The following TTN variants were observed in gnomAD, a reference collection of about 807,000 sequenced individuals.
The protein encoded by TTN is titin.
TTN carries 1,525 observed loss-of-function variants against 3,223.0 expected under a neutral mutation model. The ratio of observed to expected loss-of-function variants is 0.47; its 90% confidence interval spans 0.45 to 0.49. The LOEUF is 0.49. Ranked by LOEUF, TTN falls within the 20% of genes least tolerant of loss-of-function variation. TTN has a pLI of 0.00. For synonymous variants in TTN, 14,094 were observed against 15,161.0 expected (o/e 0.93, Z 5.17); for missense variants, 40,786 against 43,424.0 (o/e 0.94, Z 5.40).
Position 178,775,349 on chromosome 2 carries a change from A to C in TTN, c.6508+7T>G, listed in dbSNP as rs775527748. ...CAGGTCCATCAAAGGAAAGACATGCAAATTACCTTGGACAAGTAAGAATGC... is the reference window on the plus strand; with the variant it reads ...CAGGTCCATCAAAGGAAAGACATGCCAATTACCTTGGACAAGTAAGAATGC... On this transcript the variant is annotated splice_region_variant and intron_variant, in intron 28 of 362. Coordinates refer to ENST00000589042, the MANE Select transcript of TTN (RefSeq NM_001267550.2). 6.2e-7 allele frequency: 1 copy of C among 1,613,892 alleles called. No individual in the cohort carries two copies. The highest frequency in any genetic ancestry group is 2.2e-5 in the East Asian group (1 of 44,850).
rs72677221 is a variant in TTN, at chr2:178,621,869, G to T, written c.45053C>A (p.Ala15018Glu). The change falls in exon 244 of 363, where the codon GCG becomes GAG. Residue 15018 changes from alanine (A) to glutamate (E), a missense_variant. Transcript: ENST00000589042. ...EAEYSCEVRT[A>E]RTSGMLTVLE... ...AACTGTCAGCATGCCAGAAGTTCTC[G>T]CTGTCCTTACTTCACAGGAATATTC... 3.2e-5 allele frequency: 52 copies of T among 1,611,950 alleles called. No individual in the cohort carries two copies. The Admixed American group carries it at 5.4e-4, about 17-fold the overall frequency.
At chr2:178,795,906 T>C (rs1260987583) in intron 6 of TTN, among the ~76,000 whole-genome samples, 3 of 152,232 alleles carry the variant, frequency 2.0e-5, no homozygotes, top group Admixed American at 6.5e-5. Context: ...CTACTTTTAA[T>C]TTCCTCCATA....
At chr2:178,745,094 A>C in intron 47 of TTN, 3 of 988,046 alleles carry the variant, frequency 3.0e-6, no homozygotes, top group Non-Finnish European at 3.6e-6. Context: ...ATTCTAAGTC[A>C]AAGTAAATAA....
rs1698818186 is a variant in TTN at position 178,550,255 on chromosome 2, A to C, written c.91583T>G (p.Phe30528Cys). ...RDENVPPIVE[F>C]GPEYFDGLII... ...GAGACCATCAAAGTATTCAGGGCCA[A>C]ACTCTACTATTGGTGGAACTATAAA... Residue 30528 changes from phenylalanine to cysteine, a missense_variant, in exon 337 of 363, where the codon TTT becomes TGT. Coordinates refer to ENST00000589042, the MANE Select transcript of TTN (RefSeq NM_001267550.2). 1 of 1,611,692 alleles carries C rather than the reference A, an allele frequency of 6.2e-7. No homozygotes were observed. The highest frequency in any genetic ancestry group is 2.2e-5 in the East Asian group (1 of 44,846).
chr2:178,682,897 G>A lies in TTN; in HGVS notation c.32894C>T (p.Thr10965Ile), dbSNP rs766181477. ...AGCCCTTTCTTTCTCTTCCATTATA[G>A]TTACTTCTGAAACAATATTAACAAC... ...KREPQPIKEV[T>I]IMEEKERAYT... Residue 10965 changes from threonine to isoleucine, a missense_variant, in exon 135 of 363, where the codon ACT becomes ATT. Thr to Ile is a moderately conservative substitution (Grantham distance 89). Transcript: ENST00000589042. 1.3e-6 allele frequency: 2 copies of A among 1,599,404 alleles called. No individual in the cohort carries two copies. The highest frequency in any genetic ancestry group is 1.7e-6 in the Non-Finnish European group (2 of 1,173,990).
At chr2:178,633,104 A>G (rs2060002041) in intron 233 of TTN, 60 bp from the exon 234 acceptor site, 2 of 1,600,158 alleles carry the variant, frequency 1.2e-6, no homozygotes. Context: ...TATTCCTACA[A>G]ATCATCAAGA....
chr2:178,575,401 G>A lies in TTN; in HGVS notation c.70731C>T (p.Asp23577=), dbSNP rs751500251. ...TCACGGTTGTGATGTGGGTCCACTGGTCAGAGCCTTTTCTTTGGGCTTCAA... is the reference window on the plus strand; with the variant it reads ...TCACGGTTGTGATGTGGGTCCACTGATCAGAGCCTTTTCTTTGGGCTTCAA... ...YVIEAQRKGS[D]QWTHITTVKG... is the part of the protein sequence containing the mutation. The change falls in exon 326 of 363, where the codon GAC becomes GAT. Residue 23577 remains aspartate, a synonymous_variant. Coordinates refer to ENST00000589042, the MANE Select transcript of TTN (RefSeq NM_001267550.2). This position sits in a 1 kb window ranked among gnomAD's most constrained non-coding sequence, Gnocchi z 4.0. 2 of 1,613,584 alleles carry A rather than the reference G, an allele frequency of 1.2e-6. No homozygotes were observed. Among genetic ancestry groups the A allele is most frequent in the South Asian group, 2.2e-5 (2 of 91,072 alleles).
chr2:178,608,418 C>T lies in TTN; in HGVS notation c.52465G>A (p.Val17489Met), dbSNP rs1474043001. 1.2e-6 allele frequency: 2 copies of T among 1,609,662 alleles called. No homozygotes were observed. The highest frequency in any genetic ancestry group is 8.5e-7 in the Non-Finnish European group (1 of 1,177,736). Reference protein sequence around the residue: ...VEDVTSNSMLVKWNEPKDNGS... With the variant: ...VEDVTSNSMLMKWNEPKDNGS... ...TTATCTTTTGGTTCATTCCATTTCA[C>T]TAGCATACTGTTGCTGGTAACATCT... The change falls in exon 275 of 363, where the codon GTG becomes ATG. Residue 17489 changes from valine to methionine, a missense_variant. By Grantham distance (21) the Val-to-Met change is conservative. Transcript: ENST00000589042.
Position 178,553,502 on chromosome 2 carries a change from C to CA in TTN, c.89502dup (p.Glu29835Ter), listed in dbSNP as rs1700177745. On this transcript the variant is annotated frameshift_variant and splice_region_variant, in exon 334 of 363. Coordinates refer to ENST00000589042, the MANE Select transcript of TTN (RefSeq NM_001267550.2). LOFTEE classifies it high-confidence loss of function. ...CATAATCAAACCAGTAGGTACATAC[C>CA]AAGTATATCTTTAGCTTGTACAGGT... 1 of 1,605,906 alleles carries CA rather than the reference C, an allele frequency of 6.2e-7. No individual in the cohort carries two copies. The highest frequency in any genetic ancestry group is 1.1e-5 in the South Asian group (1 of 89,676).
Position 178,605,082 on chromosome 2 carries a change from A to G in TTN, c.54095T>C (p.Ile18032Thr). 1 of 1,612,760 alleles carries G rather than the reference A, an allele frequency of 6.2e-7. No homozygotes were observed. Residue 18032 changes from isoleucine to threonine, a missense_variant, in exon 280 of 363, where the codon ATT (isoleucine) becomes ACT (threonine). Transcript: ENST00000589042. ...SRSEAKTELS[I>T]PKAVREDKGT... is the part of the protein sequence containing the mutation. ...TTTGTCCTCCCGGACCGCTTTGGGA[A>G]TGCTAAGCTCAGTTTTTGCCTCACT...
intron 288 of TTN, 33 bp from the exon 289 acceptor site, chr2:178,599,883 C>CTT: frequency 6.6e-7 from 1 of 1,518,540 alleles, no homozygotes; most frequent in Non-Finnish European, 8.8e-7. Flanking sequence ...TCATTAGGAG[C>CTT]AAAAAGCATT....
rs1334813711 is a variant in TTN at position 178,573,740 on chromosome 2, G to T, written c.72392C>A (p.Ala24131Asp). ...CTTTTCTGATGTCACTTCAGTTACA[G>T]CCAAAGGTCCTTCAGGTGGGCCTGG... ...DRPGPPEGPL[A>D]VTEVTSEKCV... The change falls in exon 326 of 363, where the codon GCT becomes GAT. Residue 24131 changes from alanine (A) to aspartate (D), a missense_variant. Physicochemically the swap from Ala to Asp is moderately radical, Grantham distance 126. Coordinates refer to ENST00000589042, the MANE Select transcript of TTN (RefSeq NM_001267550.2). 1 of 1,573,060 alleles carries T rather than the reference G, an allele frequency of 6.4e-7. No individual in the cohort carries two copies. The highest frequency in any genetic ancestry group is 1.4e-5 in the African/African-American group (1 of 73,408).
Position 178,592,216 on chromosome 2 carries a change from A to T in TTN, c.59688T>A (p.Leu19896=). Residue 19896 remains leucine, a synonymous_variant, in exon 302 of 363, where the codon CTT becomes CTA. Coordinates refer to ENST00000589042, the MANE Select transcript of TTN (RefSeq NM_001267550.2). ...CATCATCCAGTGGTTCTTTCCAAGT[A>T]AGGTAACATGAATCTTTCCTAATTT... ...VSEIRKDSCY[L]TWKEPLDDGG... is the part of the protein sequence containing the mutation. The T allele has an allele frequency of 3.7e-6, 6 of 1,611,928 alleles. No homozygotes were observed. Among genetic ancestry groups the T allele is most frequent in the Non-Finnish European group, 5.1e-6 (6 of 1,178,942 alleles).
intron 47 of TTN, chr2:178,745,647 T>A (rs776490861): frequency 6.2e-7 from 1 of 1,612,762 alleles, no homozygotes; most frequent in Admixed American, 1.7e-5. Context: ...GCTACACACC[T>A]ATACTCTCCT....
Position 178,618,798 on chromosome 2 carries a change from A to G in TTN, c.46752T>C (p.Pro15584=). The change falls in exon 251 of 363, where the codon CCT becomes CCC. Residue 15584 remains proline, a synonymous_variant. Transcript: ENST00000589042. The part of the protein sequence containing the change: ...DQDLVVDVGK[P]LTMVVPYDAY... ...CATCATATGGCACCACCATTGTCAG[A>G]GGCTTGCCAACATCAACCACAAGGT... The G allele has an allele frequency of 6.2e-7, 1 of 1,611,196 alleles. No individual in the cohort carries two copies. Among genetic ancestry groups the G allele is most frequent in the Non-Finnish European group, 8.5e-7 (1 of 1,178,688 alleles).
At chr2:178,760,308 G>A (rs370439195) in intron 43 of TTN, among the ~76,000 whole-genome samples, 5 of 152,300 alleles carry the variant, frequency 3.3e-5, no homozygotes, top group South Asian at 4.1e-4. Context: ...GAGGCGGGCA[G>A]ATCACGAGGT....
chr2:178,644,464 C>A, intron 218 of TTN, 84 bp downstream of exon 218: 4 of 1,028,096 alleles, frequency 3.9e-6, no homozygotes, highest in South Asian at 1.8e-5. Flanking sequence ...AAAAGAGAGA[C>A]AGAACATTCG....
chr2:178,738,187 T>C lies in TTN; in HGVS notation c.14266A>G (p.Ser4756Gly). ...CSIRSSKYIS[S>G]LEILRTQVVD... ...ACCTGGGTTCTCAGGATTTCAAGGC[T>C]GGAGATATACTTTGAAGATCGAATA... The change falls in exon 49 of 363, where the codon AGC becomes GGC. Residue 4756 changes from serine to glycine, a missense_variant. By Grantham distance (56) the Ser-to-Gly change is moderately conservative. Coordinates refer to ENST00000589042, the MANE Select transcript of TTN (RefSeq NM_001267550.2). 1.2e-6 allele frequency: 2 copies of C among 1,613,780 alleles called. No homozygotes were observed. The highest frequency in any genetic ancestry group is 1.7e-6 in the Non-Finnish European group (2 of 1,179,784).
intron 47 of TTN, among the ~76,000 whole-genome samples, chr2:178,744,091 A>T (rs2082995156): frequency 6.6e-6 from 1 of 151,978 alleles, no homozygotes; most frequent in Non-Finnish European, 1.5e-5. Flanking sequence ...ACATAATTGG[A>T]TATGAATTCT....
Sources: gnomAD v4.1 joint callset for allele counts (sites outside exome capture counted in the v4.1 genomes callset) on GRCh38, gnomAD v4.1.1 for gene constraint, Gnocchi (gnomAD v3.1) non-coding constraint, MANE v1.5 for transcripts, NCBI Gene and HGNC (gene_info 2026-07-23, HGNC 2026-07-21) for gene names.